EXOC1: variants seen among roughly 807,000 people sequenced by gnomAD.
EXOC1 encodes exocyst complex component 1, also known as SEC3-like 1.
In EXOC1, 67 loss-of-function variants were observed where a neutral mutation model predicts 107.7. The observed-to-expected ratio is 0.62, with a 90% CI of 0.51 to 0.76. The LOEUF (loss-of-function observed/expected upper bound fraction) is 0.76, where lower values mean the gene tolerates loss of function less well. Ranked by LOEUF, EXOC1 falls within the 30% of genes least tolerant of loss-of-function variation. The pLI is 0.00. For missense variants in EXOC1, 833 were observed against 1,055.7 expected, an observed-to-expected ratio of 0.79 and a Z score of 2.92; for synonymous variants, 348 against 353.5, an observed-to-expected ratio of 0.98 and a Z score of 0.17.
At position 55,877,980 on chromosome 4, in the gene EXOC1, C is replaced by A. The variant is rs927625409; in HGVS notation, c.1138C>A (p.Pro380Thr). 6.8e-6 allele frequency: 11 copies of A among 1,613,814 alleles called. No individual in the cohort carries two copies. Among genetic ancestry groups the A allele is most frequent in the Non-Finnish European group, 9.3e-6 (11 of 1,179,876 alleles). Residue 380 changes from proline (P) to threonine (T), a missense_variant, in exon 9 of 19, where the codon CCA (proline) becomes ACA (threonine). Pro to Thr is a conservative substitution (Grantham distance 38, BLOSUM62 -1). This residue lies in a region of EXOC1 where 617 missense variants were observed against 701.3 expected (regional missense o/e 0.88). Coordinates refer to ENST00000381295, the MANE Select transcript of EXOC1 (RefSeq NM_001024924.2). The stretch of plus-strand genomic sequence containing the variant: ...TGAACTGACTTTACCCAATCATCAT[C>A]CATTTCATAGAGATTTGCTCCGATA... ...SVELTLPNHH[P>T]FHRDLLRYAK...
chr4:55,870,785 T>C lies in EXOC1; in HGVS notation c.711T>C (p.Ser237=). ...EVDQIELKLS[S]YEEMLQSVKE... is the part of the protein sequence containing the mutation. ...ATCAGATTGAATTGAAACTGAGCAGTTATGAGGAAATGCTCCAAAGTGTAA... is the reference window on the plus strand; with the variant it reads ...ATCAGATTGAATTGAAACTGAGCAGCTATGAGGAAATGCTCCAAAGTGTAA... Residue 237 remains serine, a synonymous_variant, in exon 6 of 19, where the codon AGT becomes AGC. Coordinates refer to ENST00000381295, the MANE Select transcript of EXOC1 (RefSeq NM_001024924.2). 1 of 1,613,882 alleles carries C rather than the reference T, an allele frequency of 6.2e-7. No individual in the cohort carries two copies. The highest frequency in any genetic ancestry group is 8.5e-7 in the Non-Finnish European group (1 of 1,179,902).
chr4:55,897,108 T>A (rs1035600167), intron 16 of EXOC1, among the ~76,000 whole-genome samples: 2 of 151,984 alleles, frequency 1.3e-5, no homozygotes, highest in African/African-American at 4.8e-5. Context: ...TGTGGGCTTA[T>A]GACTATGCAA....
At chr4:55,890,708 C>T (rs754716374) in intron 12 of EXOC1, among the ~76,000 whole-genome samples, 10 of 152,084 alleles carry the variant, frequency 6.6e-5, no homozygotes, top group Non-Finnish European at 1.2e-4. Context: ...TGGCCTTTCT[C>T]TGTACTAAAT....
chr4:55,876,798 G>C, intron 8 of EXOC1: 2 of 983,838 alleles, frequency 2.0e-6, no homozygotes, highest in Non-Finnish European at 2.4e-6. Flanking sequence ...TGTAATTTCT[G>C]TATAATGGGT....
chr4:55,903,358 A>G (rs17086148), intron 18 of EXOC1, among the ~76,000 whole-genome samples: 7,036 of 152,176 alleles, frequency 0.046, 463 homozygotes, highest in Admixed American at 0.17. Context: ...ACATCATGGA[A>G]GACTTCCTGA....
Position 55,871,961 on chromosome 4 carries a change from AATTTT to A in EXOC1, c.1074+12_1074+16del, listed in dbSNP as rs1482375135. On this transcript the variant is annotated splice_donor_5th_base_variant and intron_variant, in intron 8 of 18. Transcript: ENST00000381295. ...TCAACAATGTTTTTGTTCAACAGGT[AATTTT>A]ATTTTATTATTAAAACGAGCATGTT... 6 of 1,611,478 alleles carry A rather than the reference AATTTT, an allele frequency of 3.7e-6. No homozygotes were observed. The highest frequency in any genetic ancestry group is 5.1e-6 in the Non-Finnish European group (6 of 1,178,336).
Position 55,889,954 on chromosome 4 carries a change from T to C in EXOC1, c.1376-269T>C, listed in dbSNP as rs138488474. ...GCGACTTTATGAAATGGGCAGGTTA[T>C]AGACAATATGCTCCTTAAGGTCCCT... is the stretch of plus-strand genomic sequence containing the variant. On this transcript the variant is annotated intron_variant, in intron 11 of 18. Coordinates refer to ENST00000381295, the MANE Select transcript of EXOC1 (RefSeq NM_001024924.2). 5.1e-3 allele frequency among the ~76,000 whole-genome samples: 779 copies of C among 152,340 alleles called. 10 individuals are homozygous for C. The highest frequency in any genetic ancestry group is 0.018 in the African/African-American group (744 of 41,570).
intron 3 of EXOC1, among the ~76,000 whole-genome samples, 200 bp downstream of exon 3, chr4:55,860,741 CTG>C (rs1721399218): frequency 6.6e-6 from 1 of 151,822 alleles, no homozygotes; most frequent in Non-Finnish European, 1.5e-5. Context: ...GTATACATTT[CTG>C]TGTTTAGATT....
Position 55,891,425 on chromosome 4 carries a change from A to G in EXOC1, c.1647+3A>G. On this transcript the variant is annotated splice_donor_region_variant and intron_variant, in intron 13 of 18. Coordinates refer to ENST00000381295, the MANE Select transcript of EXOC1 (RefSeq NM_001024924.2). Reference sequence around the variant, plus strand: ...ATCAAAGTATGCCTGGAACTATGGTATGGCTCACAGTGTATTTTGGATAGT... The same window carrying G: ...ATCAAAGTATGCCTGGAACTATGGTGTGGCTCACAGTGTATTTTGGATAGT... The G allele has an allele frequency of 1.9e-6, 3 of 1,570,928 alleles. No homozygotes were observed. Among genetic ancestry groups the G allele is most frequent in the South Asian group, 1.1e-5 (1 of 90,138 alleles).
chr4:55,859,434 A>G (rs1357939246), intron 2 of EXOC1, among the ~76,000 whole-genome samples: 1 of 152,188 alleles, frequency 6.6e-6, no homozygotes, highest in Non-Finnish European at 1.5e-5. Flanking sequence ...TTAAAATCAT[A>G]TATTGTTAGA....
In EXOC1 at chr4:55,885,408, T is replaced by C. The variant is rs1221915022; in HGVS notation, c.1330+1480T>C. On this transcript the variant is annotated intron_variant, in intron 10 of 18. Coordinates refer to ENST00000381295, the MANE Select transcript of EXOC1 (RefSeq NM_001024924.2). ...GTTATCATTGCATTAACCTGAAACC[T>C]AAATTTTTTCCTCCTTGAGAAATTC... 4.6e-5 allele frequency among the ~76,000 whole-genome samples: 7 copies of C among 152,296 alleles called. No individual in the cohort carries two copies. In the East Asian group the frequency reaches 1.4e-3, roughly 29 times the overall value.
intron 11 of EXOC1, 40 bp downstream of exon 11, chr4:55,888,972 T>A: frequency 6.3e-7 from 1 of 1,599,388 alleles, no homozygotes; most frequent in Non-Finnish European, 8.6e-7. Context: ...TCTCAATGCA[T>A]GTTTGTTTAA....
intron 16 of EXOC1, among the ~76,000 whole-genome samples, chr4:55,898,702 T>A (rs1436509560): frequency 3.3e-5 from 5 of 152,178 alleles, no homozygotes; most frequent in Non-Finnish European, 7.4e-5. Context: ...TATAAAAGTG[T>A]TGTCATACCT....
intron 10 of EXOC1, 111 bp downstream of exon 10, chr4:55,884,039 GA>G: frequency 1.4e-6 from 1 of 720,656 alleles, no homozygotes; most frequent in Non-Finnish European, 2.3e-6. Context: ...CAGAATTTAT[GA>G]AAAAAGAGGT....
chr4:55,865,537 A>G (rs1721877601), intron 4 of EXOC1, among the ~76,000 whole-genome samples: 2 of 152,218 alleles, frequency 1.3e-5, no homozygotes, highest in Admixed American at 6.5e-5. Flanking sequence ...GTAACTTTTC[A>G]TGCCTTGAAT....
At chr4:55,873,696 G>A (rs1299425668) in intron 8 of EXOC1, among the ~76,000 whole-genome samples, 1 of 152,148 alleles carries the variant, frequency 6.6e-6, no homozygotes. Flanking sequence ...ACAACCTGGG[G>A]TGTGCCAAAA....
At chr4:55,882,480 T>C (rs1723497923) in intron 9 of EXOC1, among the ~76,000 whole-genome samples, 2 of 152,182 alleles carry the variant, frequency 1.3e-5, no homozygotes, top group African/African-American at 2.4e-5. Context: ...GAAAAAGTAA[T>C]ACATCCCAAT....
intron 13 of EXOC1, 122 bp from the exon 14 acceptor site, chr4:55,892,513 A>G (rs1724676677): frequency 1.3e-6 from 1 of 744,036 alleles, no homozygotes; most frequent in Non-Finnish European, 2.3e-6. Context: ...TGCTACCTTT[A>G]AAAATATTTT....
intron 3 of EXOC1, among the ~76,000 whole-genome samples, chr4:55,863,466 T>C (rs966163426): frequency 2.0e-5 from 3 of 152,034 alleles, no homozygotes; most frequent in South Asian, 2.1e-4. Context: ...ATTTTAAAAA[T>C]TAGGCATGCT....
Sources: gnomAD v4.1 joint callset for allele counts (sites outside exome capture counted in the v4.1 genomes callset) on GRCh38, gnomAD v4.1.1 for gene constraint, gnomAD v4.1.1 regional missense constraint, MANE v1.5 for transcripts, NCBI Gene and HGNC (gene_info 2026-07-23, HGNC 2026-07-21) for gene names.